Variants in GARIN2 observed in about 807,000 individuals in gnomAD.
The protein encoded by GARIN2 is golgi associated RAB2 interactor family member 2, also known as Golgi-associated RAB2 interactor protein 2.
chr14:67,201,693 G>A, the GARIN2 span: 1 of 357,284 alleles, frequency 2.8e-6, no homozygotes, highest in African/African-American at 2.1e-5. Flanking sequence ...CCTGAGCCAT[G>A]ATATTGGACA....
At chr14:67,213,372 T>A in the GARIN2 span, among the ~76,000 whole-genome samples, 19,299 of 132,744 alleles carry the variant, frequency 0.15, 2,598 homozygotes, top group East Asian at 0.4. Flanking sequence ...TGTCCATGTG[T>A]TCTCATTGTT....
the GARIN2 span, among the ~76,000 whole-genome samples, chr14:67,226,922 A>C: frequency 1.2e-4 from 18 of 152,332 alleles, no homozygotes; most frequent in African/African-American, 4.1e-4. Context: ...TGGCTCCTAC[A>C]TCCACCTAGA....
At chr14:67,225,960 TGTGC>T in the GARIN2 span, among the ~76,000 whole-genome samples, 6,556 of 119,750 alleles carry the variant, frequency 0.055, 390 homozygotes, top group East Asian at 0.23. Context: ...TGTGTGTGTG[TGTGC>T]GCGCGCGCGC....
the GARIN2 span, among the ~76,000 whole-genome samples, chr14:67,223,045 G>A: frequency 3.7e-5 from 5 of 135,358 alleles, no homozygotes; most frequent in East Asian, 1.1e-3. Context: ...TTTCGCCCAA[G>A]CCAGAGTGCA....
At chr14:67,226,842 T>C in the GARIN2 span, among the ~76,000 whole-genome samples, 14 of 152,300 alleles carry the variant, frequency 9.2e-5, no homozygotes, top group African/African-American at 3.1e-4. Context: ...TTAAGAATGC[T>C]CCTAATATTC....
the GARIN2 span, among the ~76,000 whole-genome samples, chr14:67,206,211 T>C: frequency 6.6e-6 from 1 of 150,688 alleles, no homozygotes; most frequent in Non-Finnish European, 1.5e-5. Flanking sequence ...AAAAGAAAGA[T>C]GGTAGGGATG....
the GARIN2 span, among the ~76,000 whole-genome samples, chr14:67,211,717 C>A: frequency 6.6e-6 from 1 of 152,094 alleles, no homozygotes; most frequent in African/African-American, 2.4e-5. Context: ...CCATCCTGGG[C>A]AACTTAACAA....
chr14:67,194,577 C>A, the GARIN2 span, among the ~76,000 whole-genome samples: 1 of 152,056 alleles, frequency 6.6e-6, no homozygotes, highest in South Asian at 2.1e-4. Flanking sequence ...ACAATCTTGG[C>A]TCACTGCAAC....
At chr14:67,199,297 C>T in the GARIN2 span, 3 of 1,605,390 alleles carry the variant, frequency 1.9e-6, no homozygotes, top group South Asian at 2.2e-5. Flanking sequence ...TGATCAGACT[C>T]TATGGGAAGC....
chr14:67,213,434 G>A, the GARIN2 span, among the ~76,000 whole-genome samples: 9 of 146,522 alleles, frequency 6.1e-5, no homozygotes, highest in Admixed American at 1.4e-4. Context: ...TTGTTCTTGC[G>A]ATAGTTTACT....
At chr14:67,205,076 A>G in the GARIN2 span, 26 of 1,550,284 alleles carry the variant, frequency 1.7e-5, no homozygotes, top group East Asian at 5.9e-4. Flanking sequence ...ATCAGGGCCA[A>G]GCAAGAGGAG....
chr14:67,225,757 C>G, the GARIN2 span, among the ~76,000 whole-genome samples: 1 of 152,138 alleles, frequency 6.6e-6, no homozygotes, highest in Non-Finnish European at 1.5e-5. Flanking sequence ...GTGGCCCTGG[C>G]CTACTGTATT....
the GARIN2 span, chr14:67,189,804 T>C: frequency 6.6e-6 from 1 of 151,852 alleles, no homozygotes; most frequent in East Asian, 1.9e-4. Flanking sequence ...AGTTTGAGTT[T>C]GAAATGAAAG....
At chr14:67,208,854 G>A in the GARIN2 span, among the ~76,000 whole-genome samples, 16 of 148,406 alleles carry the variant, frequency 1.1e-4, no homozygotes, top group East Asian at 2.0e-4. Context: ...CCAAGATCAC[G>A]CTACTGCATT....
At chr14:67,224,034 A>C in the GARIN2 span, 192 of 949,786 alleles carry the variant, frequency 2.0e-4, no homozygotes, top group Middle Eastern at 1.1e-3. Flanking sequence ...TATTAAGCTC[A>C]TCTGATTCAC....
At chr14:67,203,418 A>G in the GARIN2 span, 2 of 737,298 alleles carry the variant, frequency 2.7e-6, no homozygotes, top group East Asian at 5.6e-5. Flanking sequence ...CCCTGCTGCA[A>G]ATGACAAAGA....
At chr14:67,209,673 C>A in the GARIN2 span, among the ~76,000 whole-genome samples, 1 of 151,498 alleles carries the variant, frequency 6.6e-6, no homozygotes, top group East Asian at 1.9e-4. Flanking sequence ...CAAAAATTAG[C>A]CAGGTGTGGT....
chr14:67,199,544 A>G, the GARIN2 span: 1 of 1,607,708 alleles, frequency 6.2e-7, no homozygotes, highest in Non-Finnish European at 8.5e-7. Flanking sequence ...AATTGAAGCC[A>G]TGAATGGGCA....
At chr14:67,199,236 G>A in the GARIN2 span, 2 of 1,603,880 alleles carry the variant, frequency 1.2e-6, no homozygotes, top group East Asian at 2.2e-5. Context: ...CTATGACTTT[G>A]TGAATTCTTG....
Sources: gnomAD v4.1 joint callset for allele counts (sites outside exome capture counted in the v4.1 genomes callset) on GRCh38, gnomAD v4.1.1 for gene constraint, MANE v1.5 for transcripts, NCBI Gene and HGNC (gene_info 2026-07-23, HGNC 2026-07-21) for gene names.